Variants in MYO16 observed in about 807,000 individuals in gnomAD.
MYO16 encodes unconventional myosin-XVI.
In MYO16, 94 loss-of-function variants were observed where a neutral mutation model predicts 205.3. The observed-to-expected ratio is 0.46, with a 90% CI of 0.39 to 0.54. The LOEUF is 0.54. Among genes scored for constraint, MYO16 ranks in the 20% least tolerant of loss-of-function variants. MYO16 has a pLI of 0.00. For missense variants in MYO16, 2,315 were observed against 2,387.5 expected (o/e 0.97, Z 0.63); for synonymous variants, 988 against 954.0 (o/e 1.04, Z -0.66).
chr13:108,786,807 A>G (rs9514913), intron 5 of MYO16, among the ~76,000 whole-genome samples: 133,893 of 152,200 alleles, frequency 0.88, 59,161 homozygotes, highest in East Asian at 1. Flanking sequence ...GGCAGAAGCA[A>G]GCTGGGTTGG....
At chr13:109,087,813 G>T (rs954462883) in intron 27 of MYO16, among the ~76,000 whole-genome samples, 9 of 152,196 alleles carry the variant, frequency 5.9e-5, no homozygotes, top group Admixed American at 5.2e-4. Context: ...ACTGACCTTG[G>T]TGAATATTTG....
At chr13:109,173,818 G>C (rs1325160952) in intron 33 of MYO16, among the ~76,000 whole-genome samples, 1 of 145,428 alleles carries the variant, frequency 6.9e-6, no homozygotes, top group African/African-American at 2.7e-5. Context: ...AACCTGGGAG[G>C]CAGAGCTTGC....
At chr13:108,860,553 A>G (rs1478958660) in intron 11 of MYO16, among the ~76,000 whole-genome samples, 1 of 152,138 alleles carries the variant, frequency 6.6e-6, no homozygotes, top group Non-Finnish European at 1.5e-5. Context: ...GTTGAATAGT[A>G]ATTCTGCTTT....
chr13:108,929,553 A>T (rs137896486), intron 16 of MYO16, among the ~76,000 whole-genome samples: 7 of 152,240 alleles, frequency 4.6e-5, no homozygotes, highest in African/African-American at 1.7e-4. Flanking sequence ...ACCATCATAC[A>T]TATGATAGTT....
intron 20 of MYO16, among the ~76,000 whole-genome samples, chr13:108,973,181 G>C (rs955982598): frequency 7.2e-5 from 11 of 151,798 alleles, no homozygotes; most frequent in Non-Finnish European, 1.5e-4. Flanking sequence ...AGTCGAAACT[G>C]ATTATGGAGG....
At chr13:108,924,298 G>A (rs566137371) in intron 16 of MYO16, among the ~76,000 whole-genome samples, 1 of 152,270 alleles carries the variant, frequency 6.6e-6, no homozygotes, top group African/African-American at 2.4e-5. Context: ...CAATCTAAAC[G>A]AAGCTTCCAA....
chr13:109,052,265 G>T (rs1887268370), intron 24 of MYO16, 35 bp from the exon 25 acceptor site: 1 of 1,559,868 alleles, frequency 6.4e-7, no homozygotes, highest in Non-Finnish European at 8.8e-7. Context: ...AATAATTTTA[G>T]TGCCACTTAC....
At chr13:108,935,889 A>G (rs1280059314) in intron 16 of MYO16, among the ~76,000 whole-genome samples, 3 of 151,498 alleles carry the variant, frequency 2.0e-5, no homozygotes, top group African/African-American at 7.3e-5. Context: ...TGAGATGATT[A>G]TGTAATTTTT....
intron 6 of MYO16, among the ~76,000 whole-genome samples, chr13:108,801,738 A>G (rs899062786): frequency 6.6e-6 from 1 of 152,118 alleles, no homozygotes; most frequent in Non-Finnish European, 1.5e-5. Context: ...TCATCTTCTC[A>G]TCTTTTAAAC....
In MYO16 at chr13:109,037,281, G is replaced by T. The variant is rs188953998; in HGVS notation, c.2797-9635G>T. Among the ~76,000 whole-genome samples, 204 of 152,304 alleles carry T rather than the reference G, an allele frequency of 1.3e-3. 2 individuals carry two copies. The highest frequency in any genetic ancestry group is 2.6e-3 in the Non-Finnish European group (174 of 68,022). On this transcript the variant is annotated intron_variant, in intron 23 of 34. Coordinates refer to ENST00000457511, the MANE Select transcript of MYO16 (RefSeq NM_001198950.3). ...ATTGCCCCTTCCTGGAGCTGGAGGC[G>T]GCGGCCCTCAGTGAAGTCCAGGTGC...
chr13:108,581,893 GA>G, the MYO16 span, among the ~76,000 whole-genome samples: 1,658 of 122,028 alleles, frequency 0.014, 18 homozygotes, highest in African/African-American at 0.026. Context: ...AAAAAAAAAA[GA>G]AAAAAAAAAA....
Position 109,176,577 on chromosome 13 carries a change from T to TAAAAAAAAAAAAAAAAAAAAAAAAAAA in MYO16, c.5324-2941_5324-2940insAAAAAAAAAAAAAAAAAAAAAAAAAAA, listed in dbSNP as rs36054088. Among the ~76,000 whole-genome samples the TAAAAAAAAAAAAAAAAAAAAAAAAAAA allele has an allele frequency of 1.8e-4, 8 of 44,946 alleles. 1 individual carries two copies. The highest frequency in any genetic ancestry group is 2.7e-4 in the African/African-American group (3 of 10,994). The allele number at this position is 44,946 out of a possible 152,430, so 29.5% of individuals were successfully genotyped here. A position where few individuals can be genotyped will look rare whatever the true frequency, so the allele number is the denominator to read the frequency against. ...GCAGCTAAATAAAATATTGTGCTGG[T>TAAAAAAAAAAAAAAAAAAAAAAAAAAA]AAAAAAAAAAAAAAAAAAAAAAAAG... On this transcript the variant is annotated intron_variant, in intron 33 of 34. Coordinates refer to ENST00000457511, the MANE Select transcript of MYO16 (RefSeq NM_001198950.3).
intron 27 of MYO16, among the ~76,000 whole-genome samples, chr13:109,099,955 T>C (rs1235312492): frequency 6.6e-6 from 1 of 152,236 alleles, no homozygotes; most frequent in Admixed American, 6.5e-5. Flanking sequence ...GCTTTGGCAT[T>C]GCGTTTCCTT....
At chr13:108,805,914 T>C (rs1354082655) in intron 6 of MYO16, among the ~76,000 whole-genome samples, 1 of 57,108 alleles carries the variant, frequency 1.8e-5, no homozygotes, top group Non-Finnish European at 4.4e-5. Flanking sequence ...TGGTTAAAAC[T>C]AGTCTCTACC....
chr13:108,519,647 A>ACC, the MYO16 span, among the ~76,000 whole-genome samples: 43 of 148,442 alleles, frequency 2.9e-4, no homozygotes, highest in Admixed American at 5.4e-4. Flanking sequence ...ACACACACAC[A>ACC]CCCACACACA....
At chr13:108,634,554 C>A (rs1323552674) in intron 1 of MYO16, among the ~76,000 whole-genome samples, 1 of 152,166 alleles carries the variant, frequency 6.6e-6, no homozygotes, top group Non-Finnish European at 1.5e-5. Flanking sequence ...GAAACGATTG[C>A]CCATGCCCGT....
chr13:108,653,922 G>A (rs1881125830), intron 1 of MYO16, among the ~76,000 whole-genome samples: 2 of 152,248 alleles, frequency 1.3e-5, no homozygotes, highest in Middle Eastern at 3.4e-3. Flanking sequence ...AGTGAAGGAA[G>A]CAGGGCATAG....
chr13:108,877,756 G>C (rs1879393392), intron 12 of MYO16, among the ~76,000 whole-genome samples: 1 of 152,096 alleles, frequency 6.6e-6, no homozygotes, highest in Non-Finnish European at 1.5e-5. Context: ...TTGATTACAT[G>C]CACAGCTTAT....
intron 3 of MYO16, among the ~76,000 whole-genome samples, chr13:108,723,605 C>A (rs917671139): frequency 2.6e-5 from 4 of 152,048 alleles, no homozygotes; most frequent in Non-Finnish European, 4.4e-5. Context: ...ATTGCCCTTG[C>A]CAGTTTCTTG....
Sources: gnomAD v4.1 joint callset for allele counts (sites outside exome capture counted in the v4.1 genomes callset) on GRCh38, gnomAD v4.1.1 for gene constraint, MANE v1.5 for transcripts, NCBI Gene and HGNC (gene_info 2026-07-23, HGNC 2026-07-21) for gene names.